The following FHIT variants were observed in gnomAD, a reference collection of about 807,000 sequenced individuals.
FHIT encodes bis(5'-adenosyl)-triphosphatase.
Under a neutral mutation model 17.9 loss-of-function variants are expected in FHIT, and 19 were observed. The ratio of observed to expected loss-of-function variants is 1.06; its 90% CI spans 0.74 to 1.56. The LOEUF (loss-of-function observed/expected upper bound fraction) is 1.56. Among genes scored for constraint, FHIT ranks in the 40% most tolerant of loss-of-function variants. The pLI, the probability that FHIT is intolerant of heterozygous loss-of-function variation, is 0.00. For synonymous variants in FHIT, 81 were observed against 69.7 expected, an observed-to-expected ratio of 1.16 and a Z score of -0.81; for missense variants, 248 against 189.2, an observed-to-expected ratio of 1.31 and a Z score of -1.82.
chr3:60,087,346 G>A (rs989809848), intron 5 of FHIT, among the ~76,000 whole-genome samples: 1 of 152,158 alleles, frequency 6.6e-6, no homozygotes, highest in Admixed American at 6.5e-5. Context: ...ACTAGCACCT[G>A]GCTCCATTTT....
chr3:60,271,919 T>C (rs1706885276), intron 5 of FHIT, among the ~76,000 whole-genome samples: 1 of 152,214 alleles, frequency 6.6e-6, no homozygotes, highest in Admixed American at 6.5e-5. Context: ...ACTCCAGGTG[T>C]AGTACCAAGT....
chr3:60,438,924 C>A (rs141852117), intron 5 of FHIT, among the ~76,000 whole-genome samples: 10 of 152,226 alleles, frequency 6.6e-5, no homozygotes, highest in African/African-American at 2.4e-4. Flanking sequence ...CCAAACCCAT[C>A]ATACTTTTAG....
At chr3:60,981,302 T>A (rs1411290942) in intron 3 of FHIT, among the ~76,000 whole-genome samples, 1 of 150,850 alleles carries the variant, frequency 6.6e-6, no homozygotes, top group Non-Finnish European at 1.5e-5. Context: ...TTCCTTTTTT[T>A]TTTTTTTTTC....
intron 4 of FHIT, among the ~76,000 whole-genome samples, chr3:60,624,263 G>T (rs1177343055): frequency 6.6e-6 from 1 of 152,212 alleles, no homozygotes; most frequent in Non-Finnish European, 1.5e-5. Context: ...CAGCAGGAAA[G>T]CTTAGCTTAC....
intron 8 of FHIT, among the ~76,000 whole-genome samples, chr3:59,897,088 C>T (rs1266044764): frequency 6.6e-6 from 1 of 152,152 alleles, no homozygotes; most frequent in Non-Finnish European, 1.5e-5. Context: ...AACAACATCC[C>T]CAAAACTTGC....
At chr3:59,895,147 T>C (rs1704015173) in intron 8 of FHIT, among the ~76,000 whole-genome samples, 3 of 152,190 alleles carry the variant, frequency 2.0e-5, no homozygotes, top group South Asian at 4.1e-4. Context: ...TCACTATGCA[T>C]ACTCTCACTC....
intron 3 of FHIT, among the ~76,000 whole-genome samples, chr3:60,952,213 C>G (rs1320376131): frequency 7.2e-6 from 1 of 138,202 alleles, no homozygotes; most frequent in Non-Finnish European, 1.5e-5. Flanking sequence ...TTTTATCTAT[C>G]TATACCACAC....
rs183248064 is a variant in FHIT, at chr3:60,804,328, C to T, written c.-18+17591G>A. Reference sequence around the variant, plus strand: ...AAAATTGCCTACTATCTTGAAACTCCGCATCTTGCACCATTTGCAAATCTA... The same window carrying T: ...AAAATTGCCTACTATCTTGAAACTCTGCATCTTGCACCATTTGCAAATCTA... On this transcript the variant is annotated intron_variant, in intron 4 of 9. Transcript: ENST00000492590. Among the ~76,000 whole-genome samples, 29 of 152,266 alleles carry T rather than the reference C, an allele frequency of 1.9e-4. No homozygotes were observed. The East Asian group carries it at 4.3e-3, about 22-fold the overall frequency.
Position 60,637,074 on chromosome 3 carries a change from C to T in FHIT, c.-17-100095G>A, listed in dbSNP as rs1330244386. On this transcript the variant is annotated intron_variant, in intron 4 of 9. Coordinates refer to ENST00000492590, the MANE Select transcript of FHIT (RefSeq NM_002012.4). The stretch of plus-strand genomic sequence containing the variant: ...AGGGATAGAGAGAGAAGAGAAGCTC[C>T]AGTTTCAACCCTCTGAGTCACTGCA... Among the ~76,000 whole-genome samples, 56 of 152,008 alleles carry T rather than the reference C, an allele frequency of 3.7e-4. 1 individual carries two copies. Among genetic ancestry groups the T allele is most frequent in the Non-Finnish European group, 5.9e-5 (4 of 67,996 alleles).
At chr3:60,283,816 G>C (rs1218369141) in intron 5 of FHIT, among the ~76,000 whole-genome samples, 1 of 138,954 alleles carries the variant, frequency 7.2e-6, no homozygotes, top group African/African-American at 2.6e-5. Context: ...TGCACCGAAA[G>C]AGGTAAAAAA....
chr3:60,665,996 G>T (rs1264468270), intron 4 of FHIT, among the ~76,000 whole-genome samples: 1 of 152,036 alleles, frequency 6.6e-6, no homozygotes, highest in African/African-American at 2.4e-5. Flanking sequence ...ACTTGTTACA[G>T]GCTACATTAT....
intron 2 of FHIT, among the ~76,000 whole-genome samples, chr3:61,130,595 G>A (rs1388049915): frequency 1.3e-5 from 2 of 152,102 alleles, no homozygotes; most frequent in Non-Finnish European, 2.9e-5. Context: ...TAAAAATTTT[G>A]GACAAAATAA....
intron 3 of FHIT, among the ~76,000 whole-genome samples, chr3:60,945,224 C>G (rs979349956): frequency 8.6e-5 from 13 of 151,828 alleles, no homozygotes; most frequent in Admixed American, 2.0e-4. Context: ...AAAGCAAGAG[C>G]AAATACAAAG....
chr3:60,666,572 G>A (rs1553692500), intron 4 of FHIT, among the ~76,000 whole-genome samples: 1 of 152,060 alleles, frequency 6.6e-6, no homozygotes, highest in African/African-American at 2.4e-5. Context: ...AGATTTCATT[G>A]GGATTACGTG....
At chr3:60,011,059 A>G (rs1020693705) in intron 7 of FHIT, among the ~76,000 whole-genome samples, 2 of 152,220 alleles carry the variant, frequency 1.3e-5, no homozygotes, top group Admixed American at 6.5e-5. Context: ...GGAAGCTCAC[A>G]TGCTATTTCC....
chr3:60,163,109 G>C (rs775556753), intron 5 of FHIT, among the ~76,000 whole-genome samples: 1 of 148,936 alleles, frequency 6.7e-6, no homozygotes, highest in Non-Finnish European at 1.5e-5. Context: ...AAAAGACATT[G>C]TGCACACATT....
chr3:60,948,262 C>T (rs1562522), intron 3 of FHIT, among the ~76,000 whole-genome samples: 76,863 of 151,872 alleles, frequency 0.51, 19,637 homozygotes, highest in Middle Eastern at 0.68. Flanking sequence ...GGCAGAAGGC[C>T]CAAAGGACCT....
At chr3:59,946,557 T>C (rs1342893388) in intron 7 of FHIT, among the ~76,000 whole-genome samples, 1 of 152,206 alleles carries the variant, frequency 6.6e-6, no homozygotes, top group Non-Finnish European at 1.5e-5. Flanking sequence ...AGTACTATGT[T>C]GAAAAGGAGT....
intron 2 of FHIT, among the ~76,000 whole-genome samples, chr3:61,175,858 AC>A (rs768259976): frequency 4.6e-5 from 7 of 152,208 alleles, no homozygotes; most frequent in Non-Finnish European, 1.0e-4. Flanking sequence ...TCTGTGGTTT[AC>A]AAATGACCAA....
Sources: gnomAD v4.1 joint callset for allele counts (sites outside exome capture counted in the v4.1 genomes callset) on GRCh38, gnomAD v4.1.1 for gene constraint, MANE v1.5 for transcripts, NCBI Gene and HGNC (gene_info 2026-07-23, HGNC 2026-07-21) for gene names.